The following MTR variants were observed in gnomAD, a reference collection of about 807,000 sequenced individuals.
The protein encoded by MTR is 5-methyltetrahydrofolate-homocysteine methyltransferase, also known as methionine synthase.
Under a neutral mutation model 154.8 loss-of-function variants are expected in MTR, and 84 were observed. The ratio of observed to expected loss-of-function variants is 0.54; its 90% CI spans 0.45 to 0.65. The LOEUF is 0.65. MTR is among the 30% of genes least tolerant of loss of function. The pLI, the probability that MTR is intolerant of heterozygous loss-of-function variation, is 0.00. For synonymous variants in MTR, 554 were observed against 553.9 expected, an observed-to-expected ratio of 1.00 and a Z score of 0.00; for missense variants, 1,275 against 1,570.2, an observed-to-expected ratio of 0.81 and a Z score of 3.18.
At chr1:236,837,123 CT>C in intron 14 of MTR, among the ~76,000 whole-genome samples, 1 of 152,148 alleles carries the variant, frequency 6.6e-6, no homozygotes, top group Non-Finnish European at 1.5e-5. Flanking sequence ...TTACCAGCAC[CT>C]TTTCACCAGT....
chr1:236,852,935 G>A lies in MTR; in HGVS notation c.1813-13G>A. ...TCACTGTAAATTCTCATTTTTATTT[G>A]TATTGCCCTTAGTCTGGCATGGACA... On this transcript the variant is annotated splice_polypyrimidine_tract_variant and intron_variant, in intron 17 of 32. Transcript: ENST00000366577. The A allele has an allele frequency of 1.2e-6, 2 of 1,613,760 alleles. No individual in the cohort carries two copies. The highest frequency in any genetic ancestry group is 8.5e-7 in the Non-Finnish European group (1 of 1,179,838).
At position 236,889,260 on chromosome 1, in the gene MTR, T is replaced by G; in HGVS notation, c.2931T>G (p.Pro977=). 6.2e-7 allele frequency: 1 copy of G among 1,614,230 alleles called. No homozygotes were observed. The highest frequency in any genetic ancestry group is 8.5e-7 in the Non-Finnish European group (1 of 1,180,044). Residue 977 remains proline, a synonymous_variant, in exon 28 of 33, where the codon CCT becomes CCG. Coordinates refer to ENST00000366577, the MANE Select transcript of MTR (RefSeq NM_000254.3). ...TGGTGGACTACATTGACTGGAAGCC[T>G]TTCTTTGATGTCTGGCAGCTCCGGG... ...QKLVDYIDWK[P]FFDVWQLRGK... is the part of the protein sequence containing the mutation.
At chr1:236,820,073 C>A in intron 8 of MTR, 1 of 777,532 alleles carries the variant, frequency 1.3e-6, no homozygotes, top group Non-Finnish European at 2.3e-6. Context: ...CCTACCATTG[C>A]GCTGTGTAAC....
At chr1:236,828,137 C>T (rs1215810086) in intron 11 of MTR, among the ~76,000 whole-genome samples, 1 of 152,066 alleles carries the variant, frequency 6.6e-6, no homozygotes, top group African/African-American at 2.4e-5. Context: ...GCCACCATGC[C>T]CGGCTAATTT....
At chr1:236,871,135 G>T (rs1309707807) in intron 22 of MTR, among the ~76,000 whole-genome samples, 2 of 152,148 alleles carry the variant, frequency 1.3e-5, no homozygotes, top group African/African-American at 2.4e-5. Flanking sequence ...CCTTGTAGTG[G>T]TCTGCAAGGC....
Position 236,850,406 on chromosome 1 carries a change from A to G in MTR, c.1578A>G (p.Lys526=). 2.5e-6 allele frequency: 4 copies of G among 1,613,884 alleles called. No individual in the cohort carries two copies. Among genetic ancestry groups the G allele is most frequent in the Non-Finnish European group, 3.4e-6 (4 of 1,179,962 alleles). ...GGGCCTACCATCTGCTTGTGAAAAA[A>G]CTGGGCTTTAATCCAAATGACATTA... The part of the protein sequence containing the change: ...CTRAYHLLVK[K]LGFNPNDIIF... The change falls in exon 16 of 33, where the codon AAA becomes AAG. Residue 526 remains lysine (K), a synonymous_variant. Transcript: ENST00000366577.
chr1:236,825,140 A>ATTTTTTTTTTTTTTTTTTT (rs749672025), intron 9 of MTR, among the ~76,000 whole-genome samples, 198 bp from the exon 10 acceptor site: 1 of 114,146 alleles, frequency 8.8e-6, no homozygotes, highest in African/African-American at 3.7e-5. Context: ...TTCCTCTGTG[A>ATTTTTTTTTTTTTTTTTTT]TTTTTTTTTT....
intron 2 of MTR, among the ~76,000 whole-genome samples, chr1:236,805,047 TAGATATTTCGGA>T (rs1660901391): frequency 6.6e-6 from 1 of 152,178 alleles, no homozygotes; most frequent in Admixed American, 6.5e-5. Flanking sequence ...TCCCTATGGG[TAGATATTTCGGA>T]TGTTTGTTAT....
rs74709060 is a variant in MTR, at chr1:236,855,483, T to C, written c.1953+2395T>C. Among the ~76,000 whole-genome samples, 62 of 152,284 alleles carry C rather than the reference T, an allele frequency of 4.1e-4. No homozygotes were observed. The East Asian group carries it at 0.011, about 28-fold the overall frequency. On this transcript the variant is annotated intron_variant, in intron 18 of 32. Coordinates refer to ENST00000366577, the MANE Select transcript of MTR (RefSeq NM_000254.3). The stretch of plus-strand genomic sequence containing the variant: ...CAGGCCTCCTATGGAGTGGAAGGAT[T>C]GGTGCTCTGGATAGGATGGCTGTGG...
At chr1:236,843,106 T>G (rs1316739950) in intron 15 of MTR, among the ~76,000 whole-genome samples, 13 of 143,334 alleles carry the variant, frequency 9.1e-5, no homozygotes, top group African/African-American at 7.6e-5. Flanking sequence ...AAAAAAAAAG[T>G]GTGTGTGTAT....
At chr1:236,895,775 C>T (rs1666591558) in intron 31 of MTR, among the ~76,000 whole-genome samples, 1 of 152,190 alleles carries the variant, frequency 6.6e-6, no homozygotes, top group Non-Finnish European at 1.5e-5. Context: ...AAATTATTTC[C>T]TCTTGGCCTA....
chr1:236,854,518 G>C (rs1664091702), intron 18 of MTR, among the ~76,000 whole-genome samples: 1 of 152,144 alleles, frequency 6.6e-6, no homozygotes, highest in Non-Finnish European at 1.5e-5. Context: ...TCAGTTTTGA[G>C]TCATGGTCTA....
At chr1:236,838,727 T>C (rs1663053898) in intron 15 of MTR, 128 bp downstream of exon 15, 2 of 901,690 alleles carry the variant, frequency 2.2e-6, no homozygotes, top group South Asian at 2.8e-5. Flanking sequence ...TATACATTCA[T>C]GTACATATAT....
rs372896105 is a variant in MTR, at chr1:236,873,678, G to A, written c.2406-95G>A. The A allele has an allele frequency of 4.7e-5, 46 of 988,484 alleles. No individual in the cohort carries two copies. The South Asian group carries it at 6.1e-4, about 13-fold the overall frequency. The allele number at this position is 988,484 out of a possible 1,614,324, so 61.2% of individuals were successfully genotyped here. A position where few individuals can be genotyped will look rare whatever the true frequency, so the allele number is the denominator to read the frequency against. ...TTCAACTTGATTCTCGTTTACATTA[G>A]AGCAGTATTTAATGGTTGAAATAAA... is the stretch of plus-strand genomic sequence containing the variant. On this transcript the variant is annotated intron_variant, in intron 22 of 32. Coordinates refer to ENST00000366577, the MANE Select transcript of MTR (RefSeq NM_000254.3).
intron 22 of MTR, among the ~76,000 whole-genome samples, chr1:236,869,614 T>TA (rs1232746837): frequency 6.6e-6 from 1 of 152,138 alleles, no homozygotes; most frequent in Non-Finnish European, 1.5e-5. Context: ...GGGAGAGGCT[T>TA]ACAGACATAG....
At chr1:236,869,810 A>G (rs1355664693) in intron 22 of MTR, among the ~76,000 whole-genome samples, 2 of 152,154 alleles carry the variant, frequency 1.3e-5, no homozygotes, top group East Asian at 1.9e-4. Flanking sequence ...TGGGATTCCT[A>G]GCTAGTTCAG....
At chr1:236,828,102 T>G (rs12024034) in intron 11 of MTR, among the ~76,000 whole-genome samples, 19,801 of 152,062 alleles carry the variant, frequency 0.13, 1,635 homozygotes, top group South Asian at 0.19. Context: ...CTCAGCCTCC[T>G]GAGTAGCTGG....
rs1666864496 is a variant in MTR, at chr1:236,900,339, T to C, written c.*2695T>C. ...GACCACATGGGGCGTACTATTTTTA[T>C]TGAGCCCAAAAACAAGCAAAACCAA... On this transcript the variant is annotated 3_prime_UTR_variant, in exon 33 of 33. Transcript: ENST00000366577. 1 of 174,880 alleles carries C rather than the reference T, an allele frequency of 5.7e-6. No homozygotes were observed. Among genetic ancestry groups the C allele is most frequent in the African/African-American group, 2.4e-5 (1 of 42,430 alleles). The allele number at this position is 174,880 out of a possible 1,614,324, so 10.8% of individuals were successfully genotyped here. A position where few individuals can be genotyped will look rare whatever the true frequency, so the allele number is the denominator to read the frequency against.
intron 15 of MTR, among the ~76,000 whole-genome samples, chr1:236,840,366 C>G (rs1198622193): frequency 6.6e-6 from 1 of 152,132 alleles, no homozygotes; most frequent in Non-Finnish European, 1.5e-5. Flanking sequence ...CAGAGATGTC[C>G]CAGGACTTGG....
Sources: allele counts gnomAD v4.1 joint callset (sites outside exome capture counted in the v4.1 genomes callset), GRCh38; gene constraint gnomAD v4.1.1; transcripts MANE v1.5; gene names NCBI Gene and HGNC (gene_info 2026-07-23, HGNC 2026-07-21).